The following KIRREL1 variants were observed in gnomAD, a reference collection of about 807,000 sequenced individuals.
The protein encoded by KIRREL1 is kirre like nephrin family adhesion molecule 1, also known as kin of IRRE-like protein 1.
A neutral mutation model predicts 83.3 loss-of-function variants in KIRREL1; 25 were observed. The ratio of observed to expected loss-of-function variants is 0.30; its 90% confidence interval spans 0.22 to 0.42. The LOEUF is 0.42. Among genes scored for constraint, KIRREL1 ranks in the 10% least tolerant of loss-of-function variants. The probability of loss-of-function intolerance (pLI) is 1.00; values close to 1 mark genes in which losing one functional copy is unlikely to be tolerated. For synonymous variants in KIRREL1, 388 were observed against 410.4 expected (o/e 0.95, Z 0.66); for missense variants, 812 against 1,032.3 (o/e 0.79, Z 2.92).
chr1:158,057,819 G>A (rs528052074), intron 1 of KIRREL1, among the ~76,000 whole-genome samples: 1 of 152,114 alleles, frequency 6.6e-6, no homozygotes, highest in Non-Finnish European at 1.5e-5. Flanking sequence ...TAGCAGTCCC[G>A]GTTCTGCCAC....
intron 1 of KIRREL1, among the ~76,000 whole-genome samples, chr1:157,999,106 G>A (rs1401314801): frequency 1.3e-5 from 2 of 152,158 alleles, no homozygotes; most frequent in Non-Finnish European, 2.9e-5. Flanking sequence ...GGGAAGCCTA[G>A]GCCTTTTTTC....
chr1:158,086,467 G>A, intron 4 of KIRREL1, 129 bp from the exon 5 acceptor site: 4 of 774,960 alleles, frequency 5.2e-6, no homozygotes, highest in Non-Finnish European at 6.2e-6. Context: ...GAGGTTGTGG[G>A]AGTGAAGGGG....
chr1:158,086,042 G>A (rs527841400), intron 4 of KIRREL1, among the ~76,000 whole-genome samples: 8 of 152,156 alleles, frequency 5.3e-5, no homozygotes, highest in East Asian at 1.9e-4. Flanking sequence ...AGGGATTTGC[G>A]CTGGACTCAC....
chr1:158,096,952 A>G lies in KIRREL1; in HGVS notation c.*1832A>G, dbSNP rs1662370922. On this transcript the variant is annotated 3_prime_UTR_variant, in exon 15 of 15. Coordinates refer to ENST00000359209, the MANE Select transcript of KIRREL1 (RefSeq NM_018240.7). The stretch of plus-strand genomic sequence containing the variant: ...TCAGCCACAGGCCATTACCACCCTT[A>G]TGGATGGGTCTGGGGGGCGACATTC... The G allele has an allele frequency of 2.2e-6, 1 of 456,722 alleles. No individual in the cohort carries two copies. Among genetic ancestry groups the G allele is most frequent in the South Asian group, 1.5e-5 (1 of 64,554 alleles). 28.3% of individuals were successfully genotyped at this position (456,722 alleles called of 1,614,324 possible). A position where few individuals can be genotyped will look rare whatever the true frequency, so the allele number is the denominator to read the frequency against.
rs963121822 is a variant in KIRREL1, at chr1:158,087,686, C to T, written c.662-69C>T. On this transcript the variant is annotated intron_variant, in intron 5 of 14. Transcript: ENST00000359209. ...GCCAGAGTGGTCAGGTCTGAATGTA[C>T]GTGTTAGGGAGGGAAAAAGAAACTC... 2.2e-5 allele frequency: 24 copies of T among 1,090,310 alleles called. No homozygotes were observed. In the Admixed American group the frequency reaches 3.8e-4, roughly 17 times the overall value. 67.5% of individuals were successfully genotyped at this position (1,090,310 alleles called of 1,614,324 possible). A position where few individuals can be genotyped will look rare whatever the true frequency, so the allele number is the denominator to read the frequency against.
chr1:158,028,673 T>A (rs957292311), intron 1 of KIRREL1, among the ~76,000 whole-genome samples: 1 of 152,202 alleles, frequency 6.6e-6, no homozygotes, highest in East Asian at 1.9e-4. Flanking sequence ...TCTATTTTTT[T>A]AACTTATGTA....
Position 158,094,700 on chromosome 1 carries a change from G to A in KIRREL1, c.1854G>A (p.Arg618=). The A allele has an allele frequency of 6.2e-7, 1 of 1,611,946 alleles. No individual in the cohort carries two copies. The highest frequency in any genetic ancestry group is 1.3e-5 in the African/African-American group (1 of 74,970). ...CCCATGAAGACCGCCCGTCTTCCAG[G>A]GCAGTGCTCTATGCTGACTACCGTG... The part of the protein sequence containing the change: ...VRAHEDRPSS[R]AVLYADYRAP... Residue 618 remains arginine (R), a synonymous_variant, in exon 15 of 15, where the codon AGG becomes AGA. Coordinates refer to ENST00000359209, the MANE Select transcript of KIRREL1 (RefSeq NM_018240.7). This position sits in a 1 kb window ranked among gnomAD's most constrained non-coding sequence, Gnocchi z 4.6.
intron 1 of KIRREL1, among the ~76,000 whole-genome samples, chr1:158,069,011 C>T (rs780194419): frequency 4.6e-5 from 7 of 152,084 alleles, no homozygotes; most frequent in East Asian, 1.9e-4. Flanking sequence ...TTGATAAATC[C>T]GGGGAGACAG....
intron 10 of KIRREL1, among the ~76,000 whole-genome samples, chr1:158,090,349 C>T (rs1662158545): frequency 6.6e-6 from 1 of 152,112 alleles, no homozygotes; most frequent in Admixed American, 6.6e-5. Flanking sequence ...CTCCTACCAG[C>T]CCCTTGCCTT....
At chr1:158,057,365 T>A (rs1022783888) in intron 1 of KIRREL1, among the ~76,000 whole-genome samples, 1 of 152,222 alleles carries the variant, frequency 6.6e-6, no homozygotes, top group Admixed American at 6.5e-5. Flanking sequence ...TTTAGGGCCC[T>A]TGACTTCCTA....
chr1:158,088,545 C>A, intron 8 of KIRREL1, 91 bp downstream of exon 8: 1 of 1,151,616 alleles, frequency 8.7e-7, no homozygotes, highest in Non-Finnish European at 1.2e-6. Context: ...AGTGCAGTGG[C>A]GCGATCTCGG....
At chr1:158,051,145 G>A (rs555449891) in intron 1 of KIRREL1, among the ~76,000 whole-genome samples, 6 of 152,288 alleles carry the variant, frequency 3.9e-5, no homozygotes, top group South Asian at 4.1e-4. Context: ...CATGGAGGCC[G>A]AGAAGCACAT....
intron 1 of KIRREL1, among the ~76,000 whole-genome samples, chr1:158,016,576 A>G (rs1393097223): frequency 1.3e-5 from 2 of 152,126 alleles, no homozygotes; most frequent in Non-Finnish European, 2.9e-5. Flanking sequence ...TGGTGATAAT[A>G]ATGATGATAA....
chr1:157,995,040 G>A (rs1208161103), intron 1 of KIRREL1, among the ~76,000 whole-genome samples: 1 of 152,256 alleles, frequency 6.6e-6, no homozygotes, highest in African/African-American at 2.4e-5. Flanking sequence ...CTATGGAGAT[G>A]TACAGACTGC....
At chr1:158,054,522 G>T (rs1327339015) in intron 1 of KIRREL1, among the ~76,000 whole-genome samples, 1 of 152,084 alleles carries the variant, frequency 6.6e-6, no homozygotes, top group African/African-American at 2.4e-5. Context: ...GGTTCTCCAA[G>T]CCCTGTCCCT....
At chr1:158,035,779 G>A (rs1184778828) in intron 1 of KIRREL1, among the ~76,000 whole-genome samples, 1 of 152,206 alleles carries the variant, frequency 6.6e-6, no homozygotes, top group Non-Finnish European at 1.5e-5. Flanking sequence ...TGGAGACCAT[G>A]TGGTTAATAA....
chr1:158,046,453 T>C lies in KIRREL1; in HGVS notation c.53-29660T>C, dbSNP rs527470672. On this transcript the variant is annotated intron_variant, in intron 1 of 14. Coordinates refer to ENST00000359209, the MANE Select transcript of KIRREL1 (RefSeq NM_018240.7). ...CAAGTGGGGGTGTCCAGTAAGAAGT[T>C]TGAGCGATGCCACTGCAGCTGGAGG... Among the ~76,000 whole-genome samples the C allele has an allele frequency of 2.6e-3, 395 of 152,158 alleles. 1 individual carries two copies. The highest frequency in any genetic ancestry group is 8.9e-3 in the African/African-American group (369 of 41,486).
intron 1 of KIRREL1, among the ~76,000 whole-genome samples, chr1:158,058,057 G>T (rs916802232): frequency 2.6e-5 from 4 of 152,170 alleles, no homozygotes; most frequent in African/African-American, 9.7e-5. Context: ...TTTCTGGAGG[G>T]GAAGCTTGGC....
At chr1:158,043,754 AGACACTG>A (rs1660703486) in intron 1 of KIRREL1, among the ~76,000 whole-genome samples, 1 of 152,090 alleles carries the variant, frequency 6.6e-6, no homozygotes, top group Non-Finnish European at 1.5e-5. Context: ...GGGCACAATG[AGACACTG>A]GGGGTGGGGG....
Sources: gnomAD v4.1 joint callset for allele counts (sites outside exome capture counted in the v4.1 genomes callset) on GRCh38, gnomAD v4.1.1 for gene constraint, Gnocchi (gnomAD v3.1) non-coding constraint, MANE v1.5 for transcripts, NCBI Gene and HGNC (gene_info 2026-07-23, HGNC 2026-07-21) for gene names.